The following PXDNL variants were observed in gnomAD, a reference collection of about 807,000 sequenced individuals.
PXDNL encodes the protein probable oxidoreductase PXDNL.
In PXDNL, 145 loss-of-function variants were observed where a neutral mutation model predicts 150.8. The observed-to-expected ratio is 0.96, with a 90% CI of 0.84 to 1.10. The LOEUF (loss-of-function observed/expected upper bound fraction) is 1.10. Ranked by LOEUF, PXDNL falls within the 50% of genes least tolerant of loss-of-function variation. The pLI is 0.00. For synonymous variants in PXDNL, 757 were observed against 725.7 expected (o/e 1.04, Z -0.69); for missense variants, 2,087 against 1,873.9 (o/e 1.11, Z -2.10).
chr8:51,578,627 GT>G (rs1214310190), intron 3 of PXDNL, among the ~76,000 whole-genome samples: 2 of 151,724 alleles, frequency 1.3e-5, no homozygotes, highest in African/African-American at 2.4e-5. Flanking sequence ...ATTATTTTAT[GT>G]TTTAATGGAA....
intron 17 of PXDNL, among the ~76,000 whole-genome samples, chr8:51,384,376 AC>A (rs1378458671): frequency 3.6e-5 from 5 of 138,052 alleles, no homozygotes; most frequent in Non-Finnish European, 6.0e-5. Context: ...AAGGTGAATG[AC>A]AAAAAAAAAA....
intron 21 of PXDNL, among the ~76,000 whole-genome samples, chr8:51,338,476 G>A (rs1408826123): frequency 1.3e-5 from 2 of 152,208 alleles, no homozygotes; most frequent in Admixed American, 1.3e-4. Context: ...GTTCAGATGA[G>A]GATACTTGTT....
At chr8:51,499,010 A>G (rs1323731857) in intron 5 of PXDNL, among the ~76,000 whole-genome samples, 3 of 152,216 alleles carry the variant, frequency 2.0e-5, no homozygotes, top group East Asian at 1.9e-4. Flanking sequence ...CTGCAATACA[A>G]GAACACATCT....
At chr8:51,435,814 T>A (rs1809390105) in intron 12 of PXDNL, 1 of 429,366 alleles carries the variant, frequency 2.3e-6, no homozygotes, top group African/African-American at 2.1e-5. Context: ...GAGGAATAAA[T>A]AAATTTCAGA....
intron 2 of PXDNL, among the ~76,000 whole-genome samples, chr8:51,626,522 C>T (rs1403908743): frequency 1.3e-5 from 2 of 152,164 alleles, no homozygotes; most frequent in Non-Finnish European, 2.9e-5. Flanking sequence ...GCTATCCTCA[C>T]AGCTTTCCCA....
chr8:51,670,554 T>A (rs75943399), intron 1 of PXDNL, among the ~76,000 whole-genome samples: 4,934 of 152,300 alleles, frequency 0.032, 280 homozygotes, highest in African/African-American at 0.11. Flanking sequence ...ATAGATAAGG[T>A]ATAATAAAAA....
chr8:51,780,589 C>T (rs1196955624), intron 1 of PXDNL, among the ~76,000 whole-genome samples: 3 of 150,674 alleles, frequency 2.0e-5, no homozygotes, highest in Non-Finnish European at 4.4e-5. Context: ...CTTACAGTGT[C>T]TTCAAATAAT....
At chr8:51,778,978 C>A (rs1215743564) in intron 1 of PXDNL, among the ~76,000 whole-genome samples, 4 of 152,166 alleles carry the variant, frequency 2.6e-5, no homozygotes, top group African/African-American at 9.7e-5. Context: ...GATGACTTTT[C>A]ACTGGATCTT....
intron 4 of PXDNL, among the ~76,000 whole-genome samples, chr8:51,502,280 C>T (rs906354042): frequency 3.3e-5 from 5 of 152,178 alleles, no homozygotes; most frequent in Admixed American, 3.3e-4. Flanking sequence ...TGCACAGGCT[C>T]AGCTGACACA....
At chr8:51,341,128 G>A (rs145530614) in intron 20 of PXDNL, among the ~76,000 whole-genome samples, 307 of 152,336 alleles carry the variant, frequency 2.0e-3, no homozygotes, top group African/African-American at 7.0e-3. Context: ...GGTGCAGGAT[G>A]TGAGGGTGCT....
chr8:51,733,277 C>T (rs1197153860), intron 1 of PXDNL, among the ~76,000 whole-genome samples: 2 of 152,188 alleles, frequency 1.3e-5, no homozygotes, highest in Non-Finnish European at 1.5e-5. Flanking sequence ...TATTTTCCTC[C>T]GTCTTCCCTC....
rs573397734 is a variant in PXDNL, at chr8:51,749,381, C to T, written c.164+59800G>A. Among the ~76,000 whole-genome samples, 8 of 152,298 alleles carry T rather than the reference C, an allele frequency of 5.3e-5. No homozygotes were observed. The South Asian group carries it at 8.3e-4, about 16-fold the overall frequency. ...AAGCTAGATGGTAGAGCCTACCATG[C>T]TCCTAGGCTATATGGTATACCCATT... On this transcript the variant is annotated intron_variant, in intron 1 of 22. Transcript: ENST00000356297.
intron 1 of PXDNL, among the ~76,000 whole-genome samples, chr8:51,737,681 C>T (rs1395107593): frequency 2.0e-5 from 3 of 152,196 alleles, no homozygotes; most frequent in African/African-American, 7.2e-5. Flanking sequence ...CTGCCTGCTC[C>T]TCCAGTTCAC....
intron 1 of PXDNL, among the ~76,000 whole-genome samples, chr8:51,753,699 G>A (rs1358957368): frequency 1.3e-5 from 2 of 152,200 alleles, no homozygotes; most frequent in African/African-American, 4.8e-5. Context: ...TTACAAGGAA[G>A]GAAAATGAAA....
chr8:51,398,922 T>C (rs1808167279), intron 17 of PXDNL, among the ~76,000 whole-genome samples: 1 of 152,124 alleles, frequency 6.6e-6, no homozygotes, highest in African/African-American at 2.4e-5. Flanking sequence ...TAAACAAATG[T>C]AGAAAGAAAA....
At chr8:51,372,372 A>AT (rs575727048) in intron 18 of PXDNL, among the ~76,000 whole-genome samples, 8 of 152,214 alleles carry the variant, frequency 5.3e-5, no homozygotes, top group African/African-American at 9.6e-5. Flanking sequence ...ACATTTTTAA[A>AT]TTTTTTTTAA....
chr8:51,433,540 C>A (rs905825121), intron 12 of PXDNL, among the ~76,000 whole-genome samples: 1 of 152,030 alleles, frequency 6.6e-6, no homozygotes, highest in Non-Finnish European at 1.5e-5. Context: ...CTTATATTAT[C>A]TGCAAAACTT....
intron 1 of PXDNL, among the ~76,000 whole-genome samples, chr8:51,774,774 C>T (rs565730519): frequency 1.6e-4 from 24 of 152,008 alleles, no homozygotes; most frequent in South Asian, 6.2e-4. Context: ...GCTGAGATCA[C>T]GCCACTGCAC....
At chr8:51,620,567 A>G (rs111407881) in intron 2 of PXDNL, among the ~76,000 whole-genome samples, 2,595 of 150,936 alleles carry the variant, frequency 0.017, 93 homozygotes, top group African/African-American at 0.06. Context: ...TTTTTGAGAC[A>G]GAGTCTCGCT....
Sources: gnomAD v4.1 joint callset for allele counts (sites outside exome capture counted in the v4.1 genomes callset) on GRCh38, gnomAD v4.1.1 for gene constraint, MANE v1.5 for transcripts, NCBI Gene and HGNC (gene_info 2026-07-23, HGNC 2026-07-21) for gene names.